The following NUP210 variants were observed in gnomAD, a reference collection of about 807,000 sequenced individuals.
The protein encoded by NUP210 is nuclear pore membrane glycoprotein 210.
A neutral mutation model predicts 196.0 loss-of-function variants in NUP210; 151 were observed. The observed-to-expected ratio is 0.77, with a 90% CI of 0.67 to 0.88. NUP210 has a LOEUF of 0.88. NUP210 is among the 40% of genes least tolerant of loss of function. The probability of loss-of-function intolerance (pLI) is 0.00; values close to 1 mark genes in which losing one functional copy is unlikely to be tolerated. For missense variants in NUP210, 2,314 were observed against 2,493.7 expected (o/e 0.93, Z 1.53); for synonymous variants, 1,070 against 1,052.7 (o/e 1.02, Z -0.32).
chr3:13,336,937 G>A lies in NUP210; in HGVS notation c.3553-19C>T. The A allele has an allele frequency of 6.2e-7, 1 of 1,612,404 alleles. No homozygotes were observed. The highest frequency in any genetic ancestry group is 8.5e-7 in the Non-Finnish European group (1 of 1,179,198). On this transcript the variant is annotated intron_variant, in intron 26 of 39. Coordinates refer to ENST00000254508, the MANE Select transcript of NUP210 (RefSeq NM_024923.4). ...TGGGCATCTGCAGGGGAGAAGTCAG[G>A]CCCAGTGAGCAGTAGCTCCCAGCAC...
In NUP210 at chr3:13,391,245, C is replaced by T. The variant is rs902339282; in HGVS notation, c.499G>A (p.Ala167Thr). 9 of 1,612,536 alleles carry T rather than the reference C, an allele frequency of 5.6e-6. No individual in the cohort carries two copies. Among genetic ancestry groups the T allele is most frequent in the Non-Finnish European group, 7.6e-6 (9 of 1,179,496 alleles). ...TTGTGGGAGTCTGAGAACCTGTCCG[C>T]CTCGGAGTCCTTCACAATCGTCCAC... The part of the protein sequence containing the change: ...FEWTIVKDSE[A>T]DRFSDSHNAL... The change falls in exon 4 of 40, where the codon GCG becomes ACG. Residue 167 changes from alanine to threonine, a missense_variant. Coordinates refer to ENST00000254508, the MANE Select transcript of NUP210 (RefSeq NM_024923.4).
chr3:13,319,085 TC>T lies in NUP210; in HGVS notation c.5549del (p.Gly1850AspfsTer73). On this transcript the variant is annotated frameshift_variant, in exon 39 of 40. Coordinates refer to ENST00000254508, the MANE Select transcript of NUP210 (RefSeq NM_024923.4). LOFTEE classifies it high-confidence loss of function. ...PAALTPRASPGHSPHYFAASS... is the reference protein window; with the variant it reads ...PAALTPRASPXHSPHYFAASS... The stretch of plus-strand genomic sequence containing the variant: ...GGGGCTACTCACAGTGGGGGCTGTG[TC>T]CAGGGCTGGCTCGAGGCGTGAGGGC... 1 of 1,605,410 alleles carries T rather than the reference TC, an allele frequency of 6.2e-7. No individual in the cohort carries two copies. Among genetic ancestry groups the T allele is most frequent in the African/African-American group, 1.3e-5 (1 of 74,968 alleles).
rs1022314086 is a variant in NUP210, at chr3:13,378,935, T to C, written c.1022A>G (p.Tyr341Cys). ...ACCTAGGTATCCAGGTTCGACCACGTAGATAGTGCTGTTGGGTAACCTAGA... is the reference window on the plus strand; with the variant it reads ...ACCTAGGTATCCAGGTTCGACCACGCAGATAGTGCTGTTGGGTAACCTAGA... ...GASRLPNSTIYVVEPGYLGFT... is the reference protein window; with the variant it reads ...GASRLPNSTICVVEPGYLGFT... Residue 341 changes from tyrosine (Y) to cysteine (C), a missense_variant, in exon 8 of 40, where the codon TAC becomes TGC. By Grantham distance (194) the Tyr-to-Cys change is radical (BLOSUM62 -2). Transcript: ENST00000254508. 4.3e-6 allele frequency: 7 copies of C among 1,614,078 alleles called. No individual in the cohort carries two copies. The highest frequency in any genetic ancestry group is 1.6e-4 in the Middle Eastern group (1 of 6,062).
Position 13,414,641 on chromosome 3 carries a change from C to T in NUP210, c.167+5419G>A, listed in dbSNP as rs1231322981. ...GCCCTGGCCAAACGTGCTGCCTTTG[C>T]GCACTTCTGACAAGCTCTATCTCTC... On this transcript the variant is annotated intron_variant, in intron 1 of 39. Coordinates refer to ENST00000254508, the MANE Select transcript of NUP210 (RefSeq NM_024923.4). 4.6e-5 allele frequency among the ~76,000 whole-genome samples: 7 copies of T among 152,150 alleles called. No homozygotes were observed. In the East Asian group the frequency reaches 7.7e-4, roughly 17 times the overall value.
At chr3:13,322,494 G>C (rs1383057185) in intron 34 of NUP210, among the ~76,000 whole-genome samples, 155 bp from the exon 35 acceptor site, 1 of 152,274 alleles carries the variant, frequency 6.6e-6, no homozygotes, top group African/African-American at 2.4e-5. Context: ...TTGAGATGCA[G>C]CCAGGATTGG....
intron 25 of NUP210, among the ~76,000 whole-genome samples, chr3:13,339,634 G>A (rs1253714393): frequency 3.3e-5 from 5 of 152,258 alleles, no homozygotes; most frequent in Non-Finnish European, 7.3e-5. Flanking sequence ...GCAGCTGGAA[G>A]GACTGGGAGA....
rs573405877 is a variant in NUP210 at position 13,346,217 on chromosome 3, G to A, written c.2836-2914C>T. On this transcript the variant is annotated intron_variant, in intron 20 of 39. Transcript: ENST00000254508. ...ACAGCAGCTAAATGCACCCCACAGC[G>A]ATGCTGTAAGGGCGTGCCCACCAGG... Among the ~76,000 whole-genome samples, 7 of 152,294 alleles carry A rather than the reference G, an allele frequency of 4.6e-5. No individual in the cohort carries two copies. In the East Asian group the frequency reaches 1.2e-3, roughly 25 times the overall value.
In NUP210 at chr3:13,334,201, G is replaced by T. The variant is rs138101747; in HGVS notation, c.3843+1253C>A. Among the ~76,000 whole-genome samples the T allele has an allele frequency of 7.9e-3, 1,208 of 152,340 alleles. 35 individuals are homozygous for T. Among genetic ancestry groups the T allele is most frequent in the Admixed American group, 0.049 (750 of 15,304 alleles). ...TTTCTGATTTACTCAAACTCTACCT[G>T]CTGTCAGATAGGGAAACAGAGGCAC... On this transcript the variant is annotated intron_variant, in intron 28 of 39. Transcript: ENST00000254508.
At position 13,354,347 on chromosome 3, in the gene NUP210, G is replaced by A. The variant is rs1698093483; in HGVS notation, c.2329-240C>T. ...TCAGTGGAATGAGAACCACTAGGGG[G>A]CCTTCAGCAACACTGGAGGCATTTC... On this transcript the variant is annotated intron_variant, in intron 16 of 39. Transcript: ENST00000254508. The A allele has an allele frequency of 2.6e-5, 14 of 541,776 alleles. No homozygotes were observed. The Admixed American group carries it at 4.2e-4, about 16-fold the overall frequency. The allele number at this position is 541,776 out of a possible 1,614,324, so 33.6% of individuals were successfully genotyped here. A position where few individuals can be genotyped will look rare whatever the true frequency, so the allele number is the denominator to read the frequency against.
chr3:13,328,962 C>T lies in NUP210; in HGVS notation c.4111-16G>A. On this transcript the variant is annotated splice_polypyrimidine_tract_variant and intron_variant, in intron 30 of 39. Coordinates refer to ENST00000254508, the MANE Select transcript of NUP210 (RefSeq NM_024923.4). ...CAGGGGATACCTAAGGGACAACATA[C>T]AGGTATGATGAGGATTCAGTGCCAG... The T allele has an allele frequency of 6.2e-7, 1 of 1,611,638 alleles. No homozygotes were observed. Among genetic ancestry groups the T allele is most frequent in the Non-Finnish European group, 8.5e-7 (1 of 1,178,592 alleles).
At chr3:13,359,318 A>G (rs1026146135) in intron 15 of NUP210, among the ~76,000 whole-genome samples, 1 of 152,098 alleles carries the variant, frequency 6.6e-6, no homozygotes, top group East Asian at 1.9e-4. Flanking sequence ...ATCCAACTTA[A>G]TTCATGAGGA....
chr3:13,340,852 C>T lies in NUP210; in HGVS notation c.3229-554G>A, dbSNP rs1415634010. Among the ~76,000 whole-genome samples the T allele has an allele frequency of 6.6e-6, 1 of 152,144 alleles. No individual in the cohort carries two copies. Among genetic ancestry groups the T allele is most frequent in the African/African-American group, 2.4e-5 (1 of 41,432 alleles). On this transcript the variant is annotated intron_variant, in intron 23 of 39. Coordinates refer to ENST00000254508, the MANE Select transcript of NUP210 (RefSeq NM_024923.4). The surrounding 1 kb of genome is among the most constrained non-coding windows in gnomAD (Gnocchi z 4.0). ...TCTTTGCAGCAGGTGAAGCCCCCAC[C>T]TGCTCCTCCTGAAACCCCTACAAGA...
intron 2 of NUP210, among the ~76,000 whole-genome samples, chr3:13,397,986 A>G (rs570981469): frequency 6.6e-6 from 1 of 152,308 alleles, no homozygotes; most frequent in African/African-American, 2.4e-5. Context: ...TAAATAAGGT[A>G]TGTAAATGGC....
intron 33 of NUP210, among the ~76,000 whole-genome samples, chr3:13,324,352 G>A (rs1696658300): frequency 6.6e-6 from 1 of 152,078 alleles, no homozygotes; most frequent in African/African-American, 2.4e-5. Flanking sequence ...GCCACTTCTG[G>A]GCTGAGGCCC....
chr3:13,420,017 AGCCCGGCCCACGGCGCCCGCCCG>A lies in NUP210; in HGVS notation c.167+20_167+42del, dbSNP rs1414063047. 4.2e-5 allele frequency: 48 copies of A among 1,146,026 alleles called. No individual in the cohort carries two copies. The highest frequency in any genetic ancestry group is 5.1e-5 in the Non-Finnish European group (47 of 929,720). 71.0% of individuals were successfully genotyped at this position (1,146,026 alleles called of 1,614,324 possible). ...GCCCAGCCTCTCAGCGCGAAGGCCCAGCCCGGCCCACGGCGCCCGCCCGGCCCGGCCGCGCGCCTCACCAGCGG... is the reference window on the plus strand; with the variant it reads ...GCCCAGCCTCTCAGCGCGAAGGCCCAGCCCGGCCGCGCGCCTCACCAGCGG... On this transcript the variant is annotated intron_variant, in intron 1 of 39. Coordinates refer to ENST00000254508, the MANE Select transcript of NUP210 (RefSeq NM_024923.4). This position sits in a 1 kb window ranked among gnomAD's most constrained non-coding sequence, Gnocchi z 4.8.
intron 13 of NUP210, among the ~76,000 whole-genome samples, chr3:13,370,604 G>A (rs533476975): frequency 6.9e-4 from 105 of 152,308 alleles, no homozygotes; most frequent in African/African-American, 1.8e-3. Context: ...TGCTGTCAGC[G>A]GGCCTCTCCC....
chr3:13,391,348 A>C, intron 3 of NUP210, 41 bp from the exon 4 acceptor site: 1 of 1,391,936 alleles, frequency 7.2e-7, no homozygotes. Flanking sequence ...TATGGAGTTA[A>C]TTTCCCAGGG....
rs201502809 is a variant in NUP210, at chr3:13,319,833, G to A, written c.5313C>T (p.Pro1771=). 8.8e-4 allele frequency: 1,426 copies of A among 1,614,240 alleles called. 3 individuals carry two copies. The highest frequency in any genetic ancestry group is 2.8e-3 in the South Asian group (254 of 91,092). The stretch of plus-strand genomic sequence containing the variant: ...GGATGGCAATGGCTTGGTTGGTCAC[G>A]GGGCTGGAGAAGGTCAGGGTAGTGG... The part of the protein sequence containing the change: ...PLSTTLTFSS[P]VTNQAIAIPV... Residue 1771 remains proline (P), a synonymous_variant, in exon 37 of 40, where the codon CCC becomes CCT. Transcript: ENST00000254508.
At chr3:13,368,710 C>G (rs909619669) in intron 13 of NUP210, among the ~76,000 whole-genome samples, 17 of 152,242 alleles carry the variant, frequency 1.1e-4, no homozygotes, top group African/African-American at 4.1e-4. Flanking sequence ...GCTTACTTCA[C>G]TGAGCATGAT....
Sources: allele counts gnomAD v4.1 joint callset (sites outside exome capture counted in the v4.1 genomes callset), GRCh38; gene constraint gnomAD v4.1.1; non-coding constraint Gnocchi (gnomAD v3.1); transcripts MANE v1.5; gene names NCBI Gene and HGNC (gene_info 2026-07-23, HGNC 2026-07-21).